SLC25A4: variants seen among roughly 807,000 people sequenced by gnomAD.
SLC25A4 encodes ADP/ATP translocase 1.
Under a neutral mutation model 24.7 loss-of-function variants are expected in SLC25A4, and 10 were observed. The observed-to-expected ratio is 0.41, with a 90% CI of 0.25 to 0.69. The LOEUF (loss-of-function observed/expected upper bound fraction) is 0.69. Among genes scored for constraint, SLC25A4 ranks in the 30% least tolerant of loss-of-function variants. The probability of loss-of-function intolerance (pLI) is 0.35; values close to 1 mark genes in which losing one functional copy is unlikely to be tolerated. For missense variants in SLC25A4, 273 were observed against 387.6 expected, an observed-to-expected ratio of 0.70 and a Z score of 2.48; for synonymous variants, 125 against 153.3, an observed-to-expected ratio of 0.82 and a Z score of 1.36.
In SLC25A4 at chr4:185,150,050, C is replaced by T. The variant is rs1255737938; in HGVS notation, c.*3079C>T. The T allele has an allele frequency of 6.6e-6, 1 of 152,246 alleles. No individual in the cohort carries two copies. Among genetic ancestry groups the T allele is most frequent in the African/African-American group, 2.4e-5 (1 of 41,468 alleles). The allele number at this position is 152,246 out of a possible 1,614,324, so 9.4% of individuals were successfully genotyped here. A position where few individuals can be genotyped will look rare whatever the true frequency, so the allele number is the denominator to read the frequency against. On this transcript the variant is annotated 3_prime_UTR_variant, in exon 4 of 4. Transcript: ENST00000281456. ...ATCCTTTGTGTTGAGGCGGCATTTACTAAACACCCCCAAGGTGCAAGGCTG... is the reference window on the plus strand; with the variant it reads ...ATCCTTTGTGTTGAGGCGGCATTTATTAAACACCCCCAAGGTGCAAGGCTG...
chr4:185,145,459 T>A lies in SLC25A4; in HGVS notation c.598+209T>A, dbSNP rs1056914634. 2 of 779,152 alleles carry A rather than the reference T, an allele frequency of 2.6e-6. No individual in the cohort carries two copies. Among genetic ancestry groups the A allele is most frequent in the Non-Finnish European group, 2.0e-6 (1 of 496,594 alleles). The allele number at this position is 779,152 out of a possible 1,614,324, so 48.3% of individuals were successfully genotyped here. ...TGAAATAAACTCTGGCCTTTAGTTA[T>A]TCAGAGAGGAGGAGGGGGGAGCCTG... On this transcript the variant is annotated intron_variant, in intron 2 of 3. Coordinates refer to ENST00000281456, the MANE Select transcript of SLC25A4 (RefSeq NM_001151.4). The surrounding 1 kb of genome is among the most constrained non-coding windows in gnomAD (Gnocchi z 5.5).
rs137917927 is a variant in SLC25A4 at position 185,146,616 on chromosome 4, G to A, written c.740-198G>A. 8.7e-3 allele frequency among the ~76,000 whole-genome samples: 1,329 copies of A among 152,256 alleles called. 59 individuals carry two copies. Among genetic ancestry groups the A allele is most frequent in the Admixed American group, 0.068 (1,037 of 15,294 alleles). ...GTTCTTCACTGACCTTGAACTAATGGAGTAGGAATGACAGGAGACCCAGCC... is the reference window on the plus strand; with the variant it reads ...GTTCTTCACTGACCTTGAACTAATGAAGTAGGAATGACAGGAGACCCAGCC... On this transcript the variant is annotated intron_variant, in intron 3 of 3. Coordinates refer to ENST00000281456, the MANE Select transcript of SLC25A4 (RefSeq NM_001151.4).
At chr4:185,146,523 T>G (rs1379691698) in intron 3 of SLC25A4, among the ~76,000 whole-genome samples, 1 of 152,226 alleles carries the variant, frequency 6.6e-6, no homozygotes, top group Non-Finnish European at 1.5e-5. Flanking sequence ...AGCATAATAC[T>G]CCTGCTCCAC....
chr4:185,148,415 T>C lies in SLC25A4; in HGVS notation c.*1444T>C, dbSNP rs1254040636. On this transcript the variant is annotated 3_prime_UTR_variant, in exon 4 of 4. Coordinates refer to ENST00000281456, the MANE Select transcript of SLC25A4 (RefSeq NM_001151.4). ...CTCTTAGGCCCCGTGGAAGGGAAAATAGATAGGAACCTGCCCTGAAAGATG... is the reference window on the plus strand; with the variant it reads ...CTCTTAGGCCCCGTGGAAGGGAAAACAGATAGGAACCTGCCCTGAAAGATG... 1 of 151,924 alleles carries C rather than the reference T, an allele frequency of 6.6e-6. No individual in the cohort carries two copies. Among genetic ancestry groups the C allele is most frequent in the Non-Finnish European group, 1.5e-5 (1 of 68,000 alleles). The allele number at this position is 151,924 out of a possible 1,614,324, so 9.4% of individuals were successfully genotyped here.
chr4:185,143,399 A>G lies in SLC25A4; in HGVS notation c.27A>G (p.Leu9=). 6.5e-7 allele frequency: 1 copy of G among 1,527,296 alleles called. No homozygotes were observed. The highest frequency in any genetic ancestry group is 1.2e-5 in the South Asian group (1 of 81,826). The allele number at this position is 1,527,296 out of a possible 1,614,324, so 94.6% of individuals were successfully genotyped here. A position where few individuals can be genotyped will look rare whatever the true frequency, so the allele number is the denominator to read the frequency against. Residue 9 remains leucine (L), a synonymous_variant, in exon 1 of 4, where the codon CTA becomes CTG. Transcript: ENST00000281456. ...TGGGTGATCACGCTTGGAGCTTCCT[A>G]AAGGACTTCCTGGCCGGGGGCGTCG... MGDHAWSF[L]KDFLAGGVAA...
At position 185,148,067 on chromosome 4, in the gene SLC25A4, A is replaced by G. The variant is rs534443341; in HGVS notation, c.*1096A>G. 2.5e-4 allele frequency: 38 copies of G among 152,292 alleles called. No individual in the cohort carries two copies. Among genetic ancestry groups the G allele is most frequent in the African/African-American group, 8.9e-4 (37 of 41,552 alleles). The allele number at this position is 152,292 out of a possible 1,614,324, so 9.4% of individuals were successfully genotyped here. ...TAGACTGATGGCTTATAAGCAACAGAAACTTATTTCTCAGTTCTGTAGTCT... is the reference window on the plus strand; with the variant it reads ...TAGACTGATGGCTTATAAGCAACAGGAACTTATTTCTCAGTTCTGTAGTCT... On this transcript the variant is annotated 3_prime_UTR_variant, in exon 4 of 4. Transcript: ENST00000281456.
intron 3 of SLC25A4, among the ~76,000 whole-genome samples, chr4:185,146,524 C>T (rs1560842486): frequency 6.6e-6 from 1 of 152,192 alleles, no homozygotes; most frequent in Non-Finnish European, 1.5e-5. Context: ...GCATAATACT[C>T]CTGCTCCACT....
rs760565432 is a variant in SLC25A4 at position 185,145,241 on chromosome 4, A to G, written c.589A>G (p.Thr197Ala). ...AGCTGCCTACTTCGGAGTCTATGATACTGCCAAGGGTGAGAGAGGGGCATC... is the reference window on the plus strand; with the variant it reads ...AGCTGCCTACTTCGGAGTCTATGATGCTGCCAAGGGTGAGAGAGGGGCATC... ...YRAAYFGVYDTAKGMLPDPKN... is the reference protein window; with the variant it reads ...YRAAYFGVYDAAKGMLPDPKN... The change falls in exon 2 of 4, where the codon ACT (threonine) becomes GCT (alanine). Residue 197 changes from threonine to alanine, a missense_variant. By Grantham distance (58) the Thr-to-Ala change is moderately conservative. Transcript: ENST00000281456. The surrounding 1 kb of genome is among the most constrained non-coding windows in gnomAD (Gnocchi z 5.5). The G allele has an allele frequency of 1.2e-6, 2 of 1,614,088 alleles. No individual in the cohort carries two copies. The highest frequency in any genetic ancestry group is 2.7e-5 in the African/African-American group (2 of 75,052).
Position 185,144,789 on chromosome 4 carries a change from G to A in SLC25A4, c.137G>A (p.Ser46Asn). 6.2e-7 allele frequency: 1 copy of A among 1,613,900 alleles called. No homozygotes were observed. The highest frequency in any genetic ancestry group is 1.1e-5 in the South Asian group (1 of 91,068). Residue 46 changes from serine to asparagine, a missense_variant, in exon 2 of 4, where the codon AGT (serine) becomes AAT (asparagine). Coordinates refer to ENST00000281456, the MANE Select transcript of SLC25A4 (RefSeq NM_001151.4). ...LQVQHASKQI[S>N]AEKQYKGIID... ...GTCCAGCATGCCAGCAAACAGATCA[G>A]TGCTGAGAAGCAGTACAAAGGGATC...
rs1300559440 is a variant in SLC25A4, at chr4:185,145,613, G to C, written c.599-146G>C. The C allele has an allele frequency of 3.1e-6, 3 of 976,964 alleles. No homozygotes were observed. The highest frequency in any genetic ancestry group is 4.6e-6 in the Non-Finnish European group (3 of 654,060). The allele number at this position is 976,964 out of a possible 1,614,324, so 60.5% of individuals were successfully genotyped here. Reference sequence around the variant, plus strand: ...CAGCAGCCACCTTTGCTGTCTGCCTGGTCATATGTGAAGCACCTGCACAGG... The same window carrying C: ...CAGCAGCCACCTTTGCTGTCTGCCTCGTCATATGTGAAGCACCTGCACAGG... On this transcript the variant is annotated intron_variant, in intron 2 of 3. Transcript: ENST00000281456. This position sits in a 1 kb window ranked among gnomAD's most constrained non-coding sequence, Gnocchi z 5.5.
rs1734484395 is a variant in SLC25A4, at chr4:185,148,533, T to C, written c.*1562T>C. 1 of 151,736 alleles carries C rather than the reference T, an allele frequency of 6.6e-6. No individual in the cohort carries two copies. The highest frequency in any genetic ancestry group is 1.5e-5 in the Non-Finnish European group (1 of 67,942). The allele number at this position is 151,736 out of a possible 1,614,324, so 9.4% of individuals were successfully genotyped here. ...GAGAAGGAATAGAAGGGAAATGAAA[T>C]GGGGGGAGGGAGTGGTAGGAGATGG... On this transcript the variant is annotated 3_prime_UTR_variant, in exon 4 of 4. Transcript: ENST00000281456.
rs1001728355 is a variant in SLC25A4 at position 185,145,107 on chromosome 4, G to T, written c.455G>T (p.Arg152Leu). ...GATGTGGGCAAGGGCGCCGCCCAGCGTGAGTTCCATGGTCTGGGCGACTGT... is the reference window on the plus strand; with the variant it reads ...GATGTGGGCAAGGGCGCCGCCCAGCTTGAGTTCCATGGTCTGGGCGACTGT... ...AADVGKGAAQ[R>L]EFHGLGDCII... The change falls in exon 2 of 4, where the codon CGT becomes CTT. Residue 152 changes from arginine to leucine, a missense_variant. Coordinates refer to ENST00000281456, the MANE Select transcript of SLC25A4 (RefSeq NM_001151.4). The surrounding 1 kb of genome is among the most constrained non-coding windows in gnomAD (Gnocchi z 5.5). 2 of 1,612,884 alleles carry T rather than the reference G, an allele frequency of 1.2e-6. No homozygotes were observed. The highest frequency in any genetic ancestry group is 8.5e-7 in the Non-Finnish European group (1 of 1,179,070).
At position 185,143,303 on chromosome 4, in the gene SLC25A4, C is replaced by G; in HGVS notation, c.-70C>G. Reference sequence around the variant, plus strand: ...TCGCGCAGGGTCGGGGACTGCGCGGCGGTGCCAGGCCGGGCGTGGGCGAGA... The same window carrying G: ...TCGCGCAGGGTCGGGGACTGCGCGGGGGTGCCAGGCCGGGCGTGGGCGAGA... On this transcript the variant is annotated 5_prime_UTR_variant, in exon 1 of 4. Coordinates refer to ENST00000281456, the MANE Select transcript of SLC25A4 (RefSeq NM_001151.4). The G allele has an allele frequency of 1.1e-6, 1 of 889,172 alleles. No individual in the cohort carries two copies. The highest frequency in any genetic ancestry group is 1.8e-6 in the Non-Finnish European group (1 of 569,242). The allele number at this position is 889,172 out of a possible 1,614,324, so 55.1% of individuals were successfully genotyped here. A position where few individuals can be genotyped will look rare whatever the true frequency, so the allele number is the denominator to read the frequency against.
rs1278824192 is a variant in SLC25A4, at chr4:185,148,598, A to C, written c.*1627A>C. 6.6e-6 allele frequency: 1 copy of C among 152,210 alleles called. No individual in the cohort carries two copies. Among genetic ancestry groups the C allele is most frequent in the Non-Finnish European group, 1.5e-5 (1 of 68,038 alleles). The allele number at this position is 152,210 out of a possible 1,614,324, so 9.4% of individuals were successfully genotyped here. A position where few individuals can be genotyped will look rare whatever the true frequency, so the allele number is the denominator to read the frequency against. ...AATAACCAGATTTAGAAACATGGGTATAGAAAGCATCCTCCAGTACTTCTG... is the reference window on the plus strand; with the variant it reads ...AATAACCAGATTTAGAAACATGGGTCTAGAAAGCATCCTCCAGTACTTCTG... On this transcript the variant is annotated 3_prime_UTR_variant, in exon 4 of 4. Transcript: ENST00000281456.
At position 185,145,217 on chromosome 4, in the gene SLC25A4, G is replaced by A; in HGVS notation, c.565G>A (p.Ala189Thr). Residue 189 changes from alanine to threonine, a missense_variant, in exon 2 of 4, where the codon GCT becomes ACT. Ala to Thr is a moderately conservative substitution (Grantham distance 58, BLOSUM62 0). Transcript: ENST00000281456. The surrounding 1 kb of genome is among the most constrained non-coding windows in gnomAD (Gnocchi z 5.5). ...VSVQGIIIYRAAYFGVYDTAK... is the reference protein window; with the variant it reads ...VSVQGIIIYRTAYFGVYDTAK... The stretch of plus-strand genomic sequence containing the variant: ...TGTCCAAGGCATCATTATCTATAGA[G>A]CTGCCTACTTCGGAGTCTATGATAC... 1 of 1,614,132 alleles carries A rather than the reference G, an allele frequency of 6.2e-7. No individual in the cohort carries two copies. The highest frequency in any genetic ancestry group is 1.1e-5 in the South Asian group (1 of 91,084).
chr4:185,144,743 A>G (rs1734407115), intron 1 of SLC25A4, 21 bp from the exon 2 acceptor site: 3 of 1,609,528 alleles, frequency 1.9e-6, no homozygotes, highest in African/African-American at 2.7e-5. Flanking sequence ...GTCCTCTGTC[A>G]CCCACCCTCC....
In SLC25A4 at chr4:185,145,572, C is replaced by T; in HGVS notation, c.599-187C>T. The T allele has an allele frequency of 5.5e-6, 4 of 724,460 alleles. No individual in the cohort carries two copies. Among genetic ancestry groups the T allele is most frequent in the Middle Eastern group, 3.9e-4 (1 of 2,540 alleles). 44.9% of individuals were successfully genotyped at this position (724,460 alleles called of 1,614,324 possible). ...GTATACAAGCTGAGCACTGCCCCTC[C>T]GGGGTCCGGAGAGGGCAGCAGCCAC... On this transcript the variant is annotated intron_variant, in intron 2 of 3. Transcript: ENST00000281456. The surrounding 1 kb of genome is among the most constrained non-coding windows in gnomAD (Gnocchi z 5.5).
chr4:185,147,043 T>C lies in SLC25A4; in HGVS notation c.*72T>C, dbSNP rs1734454342. On this transcript the variant is annotated 3_prime_UTR_variant, in exon 4 of 4. Transcript: ENST00000281456. ...AAGTTCACAGATCCATTGTGTGGTT[T>C]AATAGACTATTCCTAGGGGAAGTAA... The C allele has an allele frequency of 7.2e-7, 1 of 1,390,100 alleles. No individual in the cohort carries two copies. Among genetic ancestry groups the C allele is most frequent in the Non-Finnish European group, 1.0e-6 (1 of 988,630 alleles). 86.1% of individuals were successfully genotyped at this position (1,390,100 alleles called of 1,614,324 possible).
rs200739996 is a variant in SLC25A4 at position 185,144,984 on chromosome 4, G to A, written c.332G>A (p.Arg111His). ...GTGGATCGGCATAAGCAGTTCTGGCGCTACTTTGCTGGTAACCTGGCGTCC... is the reference window on the plus strand; with the variant it reads ...GTGGATCGGCATAAGCAGTTCTGGCACTACTTTGCTGGTAACCTGGCGTCC... ...GGVDRHKQFWRYFAGNLASGG... is the reference protein window; with the variant it reads ...GGVDRHKQFWHYFAGNLASGG... Residue 111 changes from arginine to histidine, a missense_variant, in exon 2 of 4, where the codon CGC becomes CAC. By Grantham distance (29) the Arg-to-His change is conservative (BLOSUM62 0). Transcript: ENST00000281456. The A allele has an allele frequency of 2.5e-6, 4 of 1,612,672 alleles. No homozygotes were observed. The highest frequency in any genetic ancestry group is 4.5e-5 in the East Asian group (2 of 44,836).
Sources: allele counts gnomAD v4.1 joint callset (sites outside exome capture counted in the v4.1 genomes callset), GRCh38; gene constraint gnomAD v4.1.1; non-coding constraint Gnocchi (gnomAD v3.1); transcripts MANE v1.5; gene names NCBI Gene and HGNC (gene_info 2026-07-23, HGNC 2026-07-21).